BLTP1: variants seen among roughly 807,000 people sequenced by gnomAD.
The protein encoded by BLTP1 is bridge-like lipid transfer protein family member 1, also known as fragile site-associated protein.
the BLTP1 span, chr4:122,336,428 T>C: frequency 1.1e-6 from 1 of 929,874 alleles, no homozygotes; most frequent in Non-Finnish European, 1.6e-6. Context: ...TTCTTAATGC[T>C]ATTATACATT....
the BLTP1 span, chr4:122,210,993 C>G: frequency 6.2e-7 from 1 of 1,612,502 alleles, no homozygotes; most frequent in South Asian, 1.1e-5. Flanking sequence ...CTATTGATCC[C>G]TCAGAACTTC....
the BLTP1 span, chr4:122,181,191 A>T: frequency 3.5e-6 from 2 of 569,836 alleles, no homozygotes; most frequent in African/African-American, 4.1e-5. Flanking sequence ...TAATTTTATA[A>T]CCTAGGGAGT....
the BLTP1 span, chr4:122,281,408 G>A: frequency 3.7e-6 from 5 of 1,356,242 alleles, no homozygotes; most frequent in Non-Finnish European, 4.7e-6. Flanking sequence ...AATATGATCT[G>A]ATATTGGAAA....
the BLTP1 span, chr4:122,237,354 T>C: frequency 1.0e-6 from 1 of 985,384 alleles, no homozygotes; most frequent in Non-Finnish European, 1.2e-6. Flanking sequence ...CAGTGGTGCT[T>C]CACTCTGATC....
chr4:122,187,191 CAT>C, the BLTP1 span: 4 of 981,620 alleles, frequency 4.1e-6, no homozygotes, highest in African/African-American at 1.8e-5. Context: ...ATTCTAAAAA[CAT>C]AGTTTTGTTA....
the BLTP1 span, chr4:122,256,897 T>TGA: frequency 4.6e-6 from 1 of 215,836 alleles, no homozygotes; most frequent in Non-Finnish European, 7.9e-6. Context: ...ATGTTCCAAG[T>TGA]AGCTCAAAAT....
chr4:122,306,246 T>G, the BLTP1 span, among the ~76,000 whole-genome samples: 1 of 152,186 alleles, frequency 6.6e-6, no homozygotes, highest in African/African-American at 2.4e-5. Context: ...TATTTTGTCT[T>G]CTGGCTGGAT....
the BLTP1 span, chr4:122,232,005 C>CT: frequency 4.3e-5 from 40 of 936,390 alleles, no homozygotes; most frequent in Non-Finnish European, 5.1e-5. Flanking sequence ...CAGGAAGCCA[C>CT]TTAGTGTGAA....
At chr4:122,257,429 T>G in the BLTP1 span, 2 of 1,613,908 alleles carry the variant, frequency 1.2e-6, no homozygotes, top group Non-Finnish European at 8.5e-7. Flanking sequence ...TGGACTTGGA[T>G]TGGACAATGG....
the BLTP1 span, chr4:122,328,184 A>C: frequency 6.2e-7 from 1 of 1,611,330 alleles, no homozygotes; most frequent in Non-Finnish European, 8.5e-7. Context: ...GTGAAGGATC[A>C]TGTTCTGTGT....
chr4:122,169,933 G>C, the BLTP1 span: 1 of 985,146 alleles, frequency 1.0e-6, no homozygotes, highest in African/African-American at 1.7e-5. Flanking sequence ...ATAATATTAA[G>C]TGGTGGCTTT....
chr4:122,258,786 G>C, the BLTP1 span: 168 of 1,613,810 alleles, frequency 1.0e-4, no homozygotes, highest in Admixed American at 6.5e-4. Context: ...CTGGAGCTGA[G>C]ATAATGAGGA....
the BLTP1 span, chr4:122,304,738 A>G: frequency 1.1e-5 from 18 of 1,573,564 alleles, no homozygotes; most frequent in South Asian, 1.2e-4. Flanking sequence ...ACTACATTTG[A>G]GTAGGTATAT....
the BLTP1 span, among the ~76,000 whole-genome samples, chr4:122,190,693 G>A: frequency 1.3e-5 from 2 of 152,086 alleles, no homozygotes; most frequent in Non-Finnish European, 2.9e-5. Flanking sequence ...GATAGTTAAG[G>A]TAGTTCATCT....
chr4:122,268,218 T>C, the BLTP1 span, among the ~76,000 whole-genome samples: 1 of 152,134 alleles, frequency 6.6e-6, no homozygotes, highest in South Asian at 2.1e-4. Context: ...ATTTAGTACA[T>C]TGGAATTTAA....
chr4:122,214,073 A>T, the BLTP1 span: 1 of 362,024 alleles, frequency 2.8e-6, no homozygotes, highest in Non-Finnish European at 3.8e-6. Context: ...TTCTTTTTTC[A>T]AAAAAGTATA....
the BLTP1 span, chr4:122,276,826 T>C: frequency 5.1e-6 from 5 of 975,232 alleles, no homozygotes; most frequent in Non-Finnish European, 6.1e-6. Context: ...TTTTATGTAA[T>C]ACCTAGATTT....
the BLTP1 span, chr4:122,249,334 AGT>A: frequency 7.9e-7 from 1 of 1,263,130 alleles, no homozygotes; most frequent in Admixed American, 2.9e-5. Flanking sequence ...TTATTCTAAA[AGT>A]TAGCTCATTT....
chr4:122,171,989 C>T, the BLTP1 span: 1 of 905,308 alleles, frequency 1.1e-6, no homozygotes, highest in Non-Finnish European at 1.3e-6. Flanking sequence ...ACTGTTGACA[C>T]AGTGATTTAT....
Sources: allele counts gnomAD v4.1 joint callset (sites outside exome capture counted in the v4.1 genomes callset), GRCh38; gene constraint gnomAD v4.1.1; transcripts MANE v1.5; gene names NCBI Gene and HGNC (gene_info 2026-07-23, HGNC 2026-07-21).